The following ITSN1 variants were observed in gnomAD, a reference collection of about 807,000 sequenced individuals.
ITSN1 encodes the protein intersectin 1.
ITSN1 carries 58 observed loss-of-function variants against 239.8 expected under a neutral mutation model. That is an observed-to-expected ratio of 0.24 (90% CI 0.20 to 0.30). The LOEUF is 0.30. Ranked by LOEUF, ITSN1 falls within the 10% of genes least tolerant of loss-of-function variation. The pLI, the probability that ITSN1 is intolerant of heterozygous loss-of-function variation, is 1.00. For missense variants in ITSN1, 1,558 were observed against 2,103.3 expected (o/e 0.74, Z 5.07); for synonymous variants, 780 against 770.8 (o/e 1.01, Z -0.20).
chr21:33,649,452 T>C (rs2088301180), intron 1 of ITSN1, among the ~76,000 whole-genome samples: 1 of 152,236 alleles, frequency 6.6e-6, no homozygotes, highest in Non-Finnish European at 1.5e-5. Flanking sequence ...TCGGTGTTTT[T>C]CTAGTAGAAT....
chr21:33,854,728 C>G (rs756223372), intron 29 of ITSN1, among the ~76,000 whole-genome samples: 3 of 152,230 alleles, frequency 2.0e-5, no homozygotes, highest in Non-Finnish European at 2.9e-5. Context: ...GCAGGAAGAA[C>G]AGTTGGGCCA....
At chr21:33,711,290 C>G (rs975717817) in intron 1 of ITSN1, among the ~76,000 whole-genome samples, 1 of 151,340 alleles carries the variant, frequency 6.6e-6, no homozygotes, top group Non-Finnish European at 1.5e-5. Context: ...TTTTTTCTCT[C>G]TGTATCTAGC....
intron 1 of ITSN1, among the ~76,000 whole-genome samples, chr21:33,653,836 T>A (rs979433023): frequency 1.3e-5 from 2 of 152,142 alleles, no homozygotes; most frequent in South Asian, 4.1e-4. Context: ...TCTTTCTTTT[T>A]TTTGAGATGA....
chr21:33,730,849 G>A (rs953841794), intron 4 of ITSN1, among the ~76,000 whole-genome samples: 2 of 151,314 alleles, frequency 1.3e-5, no homozygotes, highest in Non-Finnish European at 2.9e-5. Flanking sequence ...ACAGGCGCCC[G>A]CGTGCCCAGC....
chr21:33,723,583 C>T (rs1451628829), intron 4 of ITSN1, among the ~76,000 whole-genome samples: 4 of 152,114 alleles, frequency 2.6e-5, no homozygotes. Flanking sequence ...CACTGCACTC[C>T]AGCCTGGGCG....
chr21:33,789,428 A>G (rs2070930559), intron 16 of ITSN1, among the ~76,000 whole-genome samples: 1 of 152,292 alleles, frequency 6.6e-6, no homozygotes, highest in East Asian at 1.9e-4. Context: ...TTTTGAGTTC[A>G]TGAAATTTAA....
chr21:33,776,122 T>A (rs923241125), intron 14 of ITSN1, among the ~76,000 whole-genome samples: 55 of 152,254 alleles, frequency 3.6e-4, no homozygotes, highest in Non-Finnish European at 6.9e-4. Flanking sequence ...TCAGGTTCTT[T>A]CCAGTGTGGA....
chr21:33,817,348 C>A (rs1421889817), intron 22 of ITSN1: 1 of 1,304,352 alleles, frequency 7.7e-7, no homozygotes, highest in Non-Finnish European at 1.0e-6. Context: ...GCTGCGCCCT[C>A]GGCCTGGAGT....
chr21:33,668,986 G>A (rs1379230742), intron 1 of ITSN1, among the ~76,000 whole-genome samples: 1 of 152,240 alleles, frequency 6.6e-6, no homozygotes, highest in Non-Finnish European at 1.5e-5. Flanking sequence ...CAAGTGGATG[G>A]CCTCCCTCAG....
chr21:33,672,616 T>C (rs1444066776), intron 1 of ITSN1, among the ~76,000 whole-genome samples: 2 of 152,000 alleles, frequency 1.3e-5, no homozygotes, highest in African/African-American at 2.4e-5. Flanking sequence ...GACCCAGCAA[T>C]CCCTATACCC....
At chr21:33,724,828 T>C (rs1010374453) in intron 4 of ITSN1, among the ~76,000 whole-genome samples, 1 of 152,188 alleles carries the variant, frequency 6.6e-6, no homozygotes, top group South Asian at 2.1e-4. Flanking sequence ...TTTTTTCTTC[T>C]GTTTTTTGTA....
At chr21:33,720,094 G>T (rs1198799596) in intron 2 of ITSN1, among the ~76,000 whole-genome samples, 1 of 152,104 alleles carries the variant, frequency 6.6e-6, no homozygotes, top group Non-Finnish European at 1.5e-5. Flanking sequence ...TTTGTTTATA[G>T]TTACAGGGAT....
chr21:33,644,549 A>G (rs1164893552), intron 1 of ITSN1, among the ~76,000 whole-genome samples: 1 of 152,190 alleles, frequency 6.6e-6, no homozygotes, highest in Non-Finnish European at 1.5e-5. Flanking sequence ...CAAATTTTTA[A>G]TGTACTTTGG....
chr21:33,661,604 G>T (rs1433697849), intron 1 of ITSN1, among the ~76,000 whole-genome samples: 1 of 152,136 alleles, frequency 6.6e-6, no homozygotes, highest in Admixed American at 6.5e-5. Flanking sequence ...CCATCATGAT[G>T]ATATGGTTTG....
intron 1 of ITSN1, among the ~76,000 whole-genome samples, chr21:33,655,954 A>C (rs1382835376): frequency 6.6e-6 from 1 of 152,154 alleles, no homozygotes; most frequent in East Asian, 1.9e-4. Flanking sequence ...GAGAGAAAAA[A>C]GAGGATTGTA....
At chr21:33,804,528 G>A (rs1413041387) in intron 20 of ITSN1, among the ~76,000 whole-genome samples, 6 of 152,206 alleles carry the variant, frequency 3.9e-5, no homozygotes, top group African/African-American at 1.4e-4. Flanking sequence ...AGTGTAAAGT[G>A]ATGTGCTCAG....
intron 1 of ITSN1, among the ~76,000 whole-genome samples, chr21:33,699,220 A>G (rs2091913338): frequency 1.3e-5 from 2 of 152,100 alleles, no homozygotes; most frequent in African/African-American, 4.8e-5. Context: ...ATTTCTACCA[A>G]TTTTAATCTT....
chr21:33,777,035 TA>T (rs2069691637), intron 14 of ITSN1, among the ~76,000 whole-genome samples: 1 of 152,104 alleles, frequency 6.6e-6, no homozygotes, highest in African/African-American at 2.4e-5. Context: ...TTTTGGGGCT[TA>T]AAAAAATAAT....
chr21:33,759,649 C>G (rs1569115522), intron 8 of ITSN1, among the ~76,000 whole-genome samples: 1 of 152,138 alleles, frequency 6.6e-6, no homozygotes, highest in Non-Finnish European at 1.5e-5. Context: ...CACATGAATT[C>G]AGTAGATTGT....
Sources: gnomAD v4.1 joint callset for allele counts (sites outside exome capture counted in the v4.1 genomes callset) on GRCh38, gnomAD v4.1.1 for gene constraint, MANE v1.5 for transcripts, NCBI Gene and HGNC (gene_info 2026-07-23, HGNC 2026-07-21) for gene names.